The following SUPT6H variants were observed in gnomAD, a reference collection of about 807,000 sequenced individuals.
The protein encoded by SUPT6H is transcription elongation factor SPT6.
In SUPT6H, 11 loss-of-function variants were observed where a neutral mutation model predicts 222.3. That is an observed-to-expected ratio of 0.05 (90% CI 0.03 to 0.08). The LOEUF (loss-of-function observed/expected upper bound fraction) is 0.08. Among genes scored for constraint, SUPT6H ranks in the 10% least tolerant of loss-of-function variants. The pLI, the probability that SUPT6H is intolerant of heterozygous loss-of-function variation, is 1.00. For missense variants in SUPT6H, 1,422 were observed against 2,216.0 expected, an observed-to-expected ratio of 0.64 and a Z score of 7.19; for synonymous variants, 762 against 801.2, an observed-to-expected ratio of 0.95 and a Z score of 0.83.
At chr17:28,699,960 G>A (rs2032066430) in intron 33 of SUPT6H, 67 bp downstream of exon 33, 6 of 1,507,868 alleles carry the variant, frequency 4.0e-6, no homozygotes, top group Non-Finnish European at 5.5e-6. Context: ...ACTCAGAGTA[G>A]TCCCAGCCTA....
At position 28,684,548 on chromosome 17, in the gene SUPT6H, C is replaced by G. The variant is rs1055535617; in HGVS notation, c.2230-38C>G. 4 of 1,612,352 alleles carry G rather than the reference C, an allele frequency of 2.5e-6. No individual in the cohort carries two copies. In the African/African-American group the frequency reaches 5.3e-5, roughly 22 times the overall value. On this transcript the variant is annotated intron_variant, in intron 17 of 36. Transcript: ENST00000314616. ...TTGGTGAGCCTGATGACCATAATGT[C>G]ATCATGTATGTAATACCTGTTGTGT... is the stretch of plus-strand genomic sequence containing the variant.
Position 28,689,431 on chromosome 17 carries a change from T to C in SUPT6H, c.3212T>C (p.Val1071Ala). The change falls in exon 25 of 37, where the codon GTG (valine) becomes GCG (alanine). Residue 1071 changes from valine (V) to alanine (A), a missense_variant. By Grantham distance (64) the Val-to-Ala change is moderately conservative (BLOSUM62 0). Coordinates refer to ENST00000314616, the MANE Select transcript of SUPT6H (RefSeq NM_003170.5). ...ETYEWARKMAVDALEYDESAE... is the reference protein window; with the variant it reads ...ETYEWARKMAADALEYDESAE... ...TATGAGTGGGCTAGGAAGATGGCAG[T>C]GGATGCCCTGGAATACGATGAATCA... The C allele has an allele frequency of 6.2e-7, 1 of 1,614,224 alleles. No individual in the cohort carries two copies. Among genetic ancestry groups the C allele is most frequent in the Non-Finnish European group, 8.5e-7 (1 of 1,180,046 alleles).
chr17:28,683,833 A>G lies in SUPT6H; in HGVS notation c.2229+17A>G, dbSNP rs758174587. 2.6e-6 allele frequency: 4 copies of G among 1,545,664 alleles called. No individual in the cohort carries two copies. Among genetic ancestry groups the G allele is most frequent in the Non-Finnish European group, 2.6e-6 (3 of 1,145,432 alleles). ...GTCATAAAGGTGAGGACAGAGACTCATGATTTTTTTTTTTTTTTTGGTGAC... is the reference window on the plus strand; with the variant it reads ...GTCATAAAGGTGAGGACAGAGACTCGTGATTTTTTTTTTTTTTTTGGTGAC... On this transcript the variant is annotated intron_variant, in intron 17 of 36. Coordinates refer to ENST00000314616, the MANE Select transcript of SUPT6H (RefSeq NM_003170.5).
At chr17:28,701,379 G>A (rs2032127529) in intron 36 of SUPT6H, 60 bp from the exon 37 acceptor site, 1 of 1,578,944 alleles carries the variant, frequency 6.3e-7, no homozygotes, top group African/African-American at 1.3e-5. Flanking sequence ...AGGGTACAGT[G>A]ATTGGTGGGA....
At chr17:28,681,026 C>T (rs1162088758) in intron 11 of SUPT6H, 9 of 474,956 alleles carry the variant, frequency 1.9e-5, no homozygotes, top group East Asian at 8.4e-5. Flanking sequence ...TCACAGTTCG[C>T]GGCAGCCTCA....
intron 20 of SUPT6H, 27 bp from the exon 21 acceptor site, chr17:28,686,627 T>C (rs750761582): frequency 1.3e-6 from 2 of 1,561,166 alleles, no homozygotes; most frequent in Admixed American, 2.0e-5. Flanking sequence ...AGAAAACATA[T>C]TCATTGACCA....
chr17:28,695,623 T>C, intron 29 of SUPT6H, 76 bp downstream of exon 29: 1 of 1,476,668 alleles, frequency 6.8e-7, no homozygotes. Context: ...GGCCACAGGA[T>C]GCACATGTGT....
intron 1 of SUPT6H, among the ~76,000 whole-genome samples, chr17:28,671,574 T>C (rs1438929588): frequency 6.6e-6 from 1 of 152,228 alleles, no homozygotes; most frequent in Non-Finnish European, 1.5e-5. Flanking sequence ...TGATGTGTGC[T>C]GTTTTTTAAG....
chr17:28,693,198 C>T (rs1272740056), intron 27 of SUPT6H, among the ~76,000 whole-genome samples: 3 of 151,944 alleles, frequency 2.0e-5, no homozygotes, highest in Non-Finnish European at 2.9e-5. Flanking sequence ...TGGTGGCTCA[C>T]GCCTGTAATC....
In SUPT6H at chr17:28,677,738, G is replaced by A; in HGVS notation, c.921G>A (p.Gly307=). ...RFQLRSIPVK[G]AEDDELEEEA... ...AGCTCCGCTCCATCCCAGTCAAGGG[G>A]GCTGAAGATGATGAACTAGAAGAAG... The change falls in exon 8 of 37, where the codon GGG becomes GGA. Residue 307 remains glycine (G), a synonymous_variant. Transcript: ENST00000314616. The A allele has an allele frequency of 6.2e-7, 1 of 1,614,210 alleles. No individual in the cohort carries two copies. The highest frequency in any genetic ancestry group is 8.5e-7 in the Non-Finnish European group (1 of 1,180,046).
intron 33 of SUPT6H, 111 bp from the exon 34 acceptor site, chr17:28,700,062 A>G (rs1337505992): frequency 1.3e-6 from 2 of 1,514,110 alleles, no homozygotes; most frequent in Non-Finnish European, 1.8e-6. Flanking sequence ...CACTGTGCCT[A>G]TGCAGCTTCC....
Position 28,667,495 on chromosome 17 carries a change from A to G in SUPT6H, c.-32+5153A>G, listed in dbSNP as rs569920151. On this transcript the variant is annotated intron_variant, in intron 1 of 36. Transcript: ENST00000314616. ...TGTATATATGTGTGTGTATATATGT[A>G]TATGTGTATATATATATAAATACGT... 3.9e-4 allele frequency among the ~76,000 whole-genome samples: 53 copies of G among 136,902 alleles called. No individual in the cohort carries two copies. The South Asian group carries it at 1.0e-2, about 26-fold the overall frequency. 89.8% of individuals were successfully genotyped at this position (136,902 alleles called of 152,430 possible).
chr17:28,670,054 A>G lies in SUPT6H; in HGVS notation c.-31-3317A>G, dbSNP rs2030323956. 5 of 152,348 alleles carry G rather than the reference A, an allele frequency of 3.3e-5. 1 individual carries two copies. The South Asian group carries it at 1.0e-3, about 32-fold the overall frequency. The allele number at this position is 152,348 out of a possible 1,614,324, so 9.4% of individuals were successfully genotyped here. A position where few individuals can be genotyped will look rare whatever the true frequency, so the allele number is the denominator to read the frequency against. Reference sequence around the variant, plus strand: ...TTTTTGCATTCAGTCTGTTGTGATAACCACATGTCCTATAACCTCTGGAAA... The same window carrying G: ...TTTTTGCATTCAGTCTGTTGTGATAGCCACATGTCCTATAACCTCTGGAAA... On this transcript the variant is annotated intron_variant, in intron 1 of 36. Transcript: ENST00000314616.
chr17:28,673,136 G>C (rs973861010), intron 1 of SUPT6H, among the ~76,000 whole-genome samples: 4 of 149,730 alleles, frequency 2.7e-5, no homozygotes, highest in Non-Finnish European at 4.4e-5. Context: ...GGGTGAGAGA[G>C]TGAGACGCCA....
intron 20 of SUPT6H, 45 bp downstream of exon 20, chr17:28,686,460 C>T: frequency 6.3e-7 from 1 of 1,596,378 alleles, no homozygotes; most frequent in Middle Eastern, 1.7e-4. Flanking sequence ...CGTGACCCAA[C>T]TCATCCCTTA....
At chr17:28,695,649 AGTGGG>A in intron 29 of SUPT6H, 102 bp downstream of exon 29, 1 of 1,352,112 alleles carries the variant, frequency 7.4e-7, no homozygotes, top group Non-Finnish European at 1.0e-6. Context: ...TCCCAGTGGA[AGTGGG>A]GACTCAGCTT....
Position 28,687,402 on chromosome 17 carries a change from C to A in SUPT6H, c.2937C>A (p.His979Gln). The A allele has an allele frequency of 6.2e-7, 1 of 1,614,182 alleles. No homozygotes were observed. The highest frequency in any genetic ancestry group is 8.5e-7 in the Non-Finnish European group (1 of 1,180,044). The change falls in exon 23 of 37, where the codon CAC (histidine) becomes CAA (glutamine). Residue 979 changes from histidine (H) to glutamine (Q), a missense_variant. Physicochemically the swap from His to Gln is conservative, Grantham distance 24 (BLOSUM62 0). This residue lies in a region of SUPT6H where 294 missense variants were observed against 382.1 expected (regional missense o/e 0.77). Coordinates refer to ENST00000314616, the MANE Select transcript of SUPT6H (RefSeq NM_003170.5). ...VGVDVNRAIA[H>Q]PYSQALIQYV... ...TCGATGTCAACCGTGCCATTGCCCACCCTTACAGCCAGGCCTTGATCCAGT... is the reference window on the plus strand; with the variant it reads ...TCGATGTCAACCGTGCCATTGCCCAACCTTACAGCCAGGCCTTGATCCAGT...
chr17:28,701,274 A>C, intron 36 of SUPT6H, 146 bp downstream of exon 36: 1 of 1,404,304 alleles, frequency 7.1e-7, no homozygotes, highest in Non-Finnish European at 9.6e-7. Context: ...TTCTGGGTGA[A>C]GACGGAAGAG....
At chr17:28,677,556 A>C (rs1447732234) in intron 7 of SUPT6H, among the ~76,000 whole-genome samples, 159 bp from the exon 8 acceptor site, 1 of 152,160 alleles carries the variant, frequency 6.6e-6, no homozygotes, top group African/African-American at 2.4e-5. Flanking sequence ...AAAAAAAAAA[A>C]ATGCTTATTT....
Sources: allele counts gnomAD v4.1 joint callset (sites outside exome capture counted in the v4.1 genomes callset), GRCh38; gene constraint gnomAD v4.1.1; regional missense constraint gnomAD v4.1.1; transcripts MANE v1.5; gene names NCBI Gene and HGNC (gene_info 2026-07-23, HGNC 2026-07-21).